Variants in ST6GAL2 observed in about 807,000 individuals in gnomAD.
ST6GAL2 encodes the protein ST6 beta-galactoside alpha-2,6-sialyltransferase 2, also known as beta-galactoside alpha-2,6-sialyltransferase 2.
A neutral mutation model predicts 37.5 loss-of-function variants in ST6GAL2; 24 were observed. That is an observed-to-expected ratio of 0.64 (90% CI 0.46 to 0.90). The LOEUF is 0.90. Ranked by LOEUF, ST6GAL2 falls within the 40% of genes least tolerant of loss-of-function variation. The probability of loss-of-function intolerance (pLI) is 0.00; values close to 1 mark genes in which losing one functional copy is unlikely to be tolerated. For synonymous variants in ST6GAL2, 306 were observed against 295.1 expected (o/e 1.04, Z -0.38); for missense variants, 715 against 712.7 (o/e 1.00, Z -0.04).
intron 1 of ST6GAL2, among the ~76,000 whole-genome samples, chr2:106,866,864 G>C (rs542652550): frequency 6.6e-6 from 1 of 152,242 alleles, no homozygotes; most frequent in South Asian, 2.1e-4. Flanking sequence ...GAAATACATA[G>C]GAATGTAACA....
chr2:106,829,181 T>C (rs1010281101), intron 5 of ST6GAL2, among the ~76,000 whole-genome samples: 14 of 152,296 alleles, frequency 9.2e-5, no homozygotes, highest in South Asian at 2.1e-4. Flanking sequence ...TTCCTGGACA[T>C]GCCTCCCTCA....
intron 2 of ST6GAL2, among the ~76,000 whole-genome samples, chr2:106,840,274 C>T (rs1447941485): frequency 6.6e-6 from 1 of 152,222 alleles, no homozygotes; most frequent in African/African-American, 2.4e-5. Context: ...TTTCGCTACA[C>T]CATGCCCCCA....
intron 1 of ST6GAL2, among the ~76,000 whole-genome samples, chr2:106,882,137 T>A (rs148934478): frequency 6.6e-6 from 1 of 152,248 alleles, no homozygotes; most frequent in African/African-American, 2.4e-5. Flanking sequence ...ACATGCTTTC[T>A]GTATACATGG....
chr2:106,850,325 G>T (rs985729332), intron 1 of ST6GAL2, among the ~76,000 whole-genome samples: 1 of 152,170 alleles, frequency 6.6e-6, no homozygotes, highest in Non-Finnish European at 1.5e-5. Context: ...GTGCTGGGAA[G>T]TAGAAAGAGG....
chr2:106,813,179 C>G (rs1675675972), intron 5 of ST6GAL2: 1 of 1,330,838 alleles, frequency 7.5e-7, no homozygotes, highest in Non-Finnish European at 9.7e-7. Flanking sequence ...GTCGCGTGAT[C>G]TCGGCTCACT....
chr2:106,879,545 A>C (rs1209526006), intron 1 of ST6GAL2, among the ~76,000 whole-genome samples: 1 of 152,026 alleles, frequency 6.6e-6, no homozygotes, highest in Non-Finnish European at 1.5e-5. Flanking sequence ...ATCAGGCAGA[A>C]GAATGTTTTT....
rs1337409055 is a variant in ST6GAL2 at position 106,804,282 on chromosome 2, G to T, written c.*2396C>A. On this transcript the variant is annotated 3_prime_UTR_variant, in exon 6 of 6. Transcript: ENST00000409382. ...GCTTTTGAACTTGAATATTTACACT[G>T]ACCCCAATAAATTCTCCTCTAACCA... The T allele has an allele frequency of 6.6e-6, 1 of 152,142 alleles. No individual in the cohort carries two copies. Among genetic ancestry groups the T allele is most frequent in the Non-Finnish European group, 1.5e-5 (1 of 68,040 alleles). 9.4% of individuals were successfully genotyped at this position (152,142 alleles called of 1,614,324 possible).
intron 5 of ST6GAL2, among the ~76,000 whole-genome samples, chr2:106,824,494 C>G (rs563611244): frequency 3.9e-5 from 6 of 151,938 alleles, no homozygotes; most frequent in African/African-American, 1.4e-4. Flanking sequence ...TAGCTGGGCA[C>G]GGTGGCACGC....
intron 5 of ST6GAL2, among the ~76,000 whole-genome samples, chr2:106,807,631 C>CT (rs10665727): frequency 0.78 from 108,496 of 138,966 alleles, 43,147 homozygotes; most frequent in East Asian, 0.86. Context: ...ACATTTTATT[C>CT]TTTTTTTTTT....
At chr2:106,820,755 GA>G (rs1406582144) in intron 5 of ST6GAL2, among the ~76,000 whole-genome samples, 2 of 151,890 alleles carry the variant, frequency 1.3e-5, no homozygotes, top group Non-Finnish European at 2.9e-5. Context: ...TAAAAAATTT[GA>G]AAAAACTGAA....
At chr2:106,818,052 C>T (rs568922011) in intron 5 of ST6GAL2, among the ~76,000 whole-genome samples, 1 of 152,276 alleles carries the variant, frequency 6.6e-6, no homozygotes, top group African/African-American at 2.4e-5. Context: ...GTCAGCTGCA[C>T]TAAATACAAT....
chr2:106,813,113 AGT>A, intron 5 of ST6GAL2: 3 of 1,101,822 alleles, frequency 2.7e-6, no homozygotes, highest in African/African-American at 3.4e-5. Flanking sequence ...TTATATGGCC[AGT>A]TTTTTTTTTT....
chr2:106,843,769 G>A lies in ST6GAL2; in HGVS notation c.209C>T (p.Pro70Leu), dbSNP rs781338462. Residue 70 changes from proline (P) to leucine (L), a missense_variant, in exon 2 of 6, where the codon CCG becomes CTG. Pro to Leu is a moderately conservative substitution (Grantham distance 98). Coordinates refer to ENST00000409382, the MANE Select transcript of ST6GAL2 (RefSeq NM_001142351.2). The stretch of plus-strand genomic sequence containing the variant: ...CTGGCGTGCGTCCAGGCCCCCAGGC[G>A]GGGAGGGCTCATGTGCGGCGCCCAT... ...AIMGAAHEPS[P>L]PGGLDARQAL... 1.1e-5 allele frequency: 17 copies of A among 1,609,910 alleles called. No homozygotes were observed. In the African/African-American group the frequency reaches 1.9e-4, roughly 18 times the overall value.
chr2:106,863,964 A>T (rs1677915996), intron 1 of ST6GAL2, among the ~76,000 whole-genome samples: 1 of 152,236 alleles, frequency 6.6e-6, no homozygotes, highest in African/African-American at 2.4e-5. Flanking sequence ...GTTCTATCCC[A>T]GACTCACTGA....
At chr2:106,827,672 A>C (rs1048528260) in intron 5 of ST6GAL2, among the ~76,000 whole-genome samples, 1 of 152,172 alleles carries the variant, frequency 6.6e-6, no homozygotes, top group Non-Finnish European at 1.5e-5. Flanking sequence ...GGGACAATGG[A>C]ATTGTTCTCT....
intron 1 of ST6GAL2, among the ~76,000 whole-genome samples, chr2:106,869,221 T>C (rs542403494): frequency 6.3e-4 from 96 of 152,154 alleles, no homozygotes; most frequent in Admixed American, 1.0e-3. Context: ...CTCCCTAGAA[T>C]TCTTCATTTG....
Position 106,806,945 on chromosome 2 carries a change from G to C in ST6GAL2, c.1323C>G (p.Ile441Met). The change falls in exon 6 of 6, where the codon ATC becomes ATG. Residue 441 changes from isoleucine to methionine, a missense_variant. Physicochemically the swap from Ile to Met is conservative, Grantham distance 10. Transcript: ENST00000409382. ...CTCTGCACATGGACATCATTATGAG[G>C]ATTCCTGACATGAAAACCAAAAATT... ...PNPPSSGFIG[I>M]LIMMSMCREV... 1 of 1,606,190 alleles carries C rather than the reference G, an allele frequency of 6.2e-7. No homozygotes were observed. The highest frequency in any genetic ancestry group is 1.1e-5 in the South Asian group (1 of 90,588).
intron 1 of ST6GAL2, among the ~76,000 whole-genome samples, chr2:106,848,049 T>G (rs1184145832): frequency 5.3e-5 from 8 of 151,470 alleles, no homozygotes; most frequent in African/African-American, 1.9e-4. Context: ...CTTTCTTTTT[T>G]TTTTTTTTTT....
At chr2:106,808,569 G>A (rs1244848586) in intron 5 of ST6GAL2, among the ~76,000 whole-genome samples, 1 of 152,052 alleles carries the variant, frequency 6.6e-6, no homozygotes, top group Non-Finnish European at 1.5e-5. Flanking sequence ...CCTTAGATCA[G>A]CCTAAAGCAC....
Sources: allele counts gnomAD v4.1 joint callset (sites outside exome capture counted in the v4.1 genomes callset), GRCh38; gene constraint gnomAD v4.1.1; transcripts MANE v1.5; gene names NCBI Gene and HGNC (gene_info 2026-07-23, HGNC 2026-07-21).